Variants in CPE observed in about 807,000 individuals in gnomAD.
CPE encodes carboxypeptidase E, also known as carbocypeptidase E.
Under a neutral mutation model 53.5 loss-of-function variants are expected in CPE, and 17 were observed. The ratio of observed to expected loss-of-function variants is 0.32; its 90% CI spans 0.22 to 0.48. CPE has a LOEUF of 0.48. CPE is among the 20% of genes least tolerant of loss of function. CPE has a pLI of 0.99. For synonymous variants in CPE, 226 were observed against 228.8 expected (o/e 0.99, Z 0.11); for missense variants, 524 against 614.7 (o/e 0.85, Z 1.56).
At chr4:165,383,449 C>G (rs151108814) in intron 1 of CPE, among the ~76,000 whole-genome samples, 5 of 152,064 alleles carry the variant, frequency 3.3e-5, no homozygotes, top group Admixed American at 6.5e-5. Context: ...CCACTCGACC[C>G]GGAGTTAAAT....
At chr4:165,490,315 C>T (rs1489102884) in intron 6 of CPE, among the ~76,000 whole-genome samples, 1 of 152,040 alleles carries the variant, frequency 6.6e-6, no homozygotes, top group Non-Finnish European at 1.5e-5. Flanking sequence ...GTCTAGTTCT[C>T]AAAATTCTCA....
At chr4:165,479,473 A>G (rs1732363203) in intron 3 of CPE, among the ~76,000 whole-genome samples, 2 of 152,216 alleles carry the variant, frequency 1.3e-5, no homozygotes. Flanking sequence ...AGAACTTTCT[A>G]AATTTCTTGT....
intron 1 of CPE, among the ~76,000 whole-genome samples, chr4:165,403,359 A>G (rs765060057): frequency 5.9e-5 from 9 of 152,206 alleles, no homozygotes; most frequent in Non-Finnish European, 1.0e-4. Context: ...CATGAAACAC[A>G]TGTTCCAGAA....
intron 3 of CPE, among the ~76,000 whole-genome samples, chr4:165,479,917 G>A (rs1009406836): frequency 2.0e-5 from 3 of 151,374 alleles, no homozygotes; most frequent in South Asian, 2.1e-4. Context: ...GCGTGAACCC[G>A]GGAGGCGGAG....
At chr4:165,467,962 G>A in intron 3 of CPE, 107 bp downstream of exon 3, 1 of 1,270,930 alleles carries the variant, frequency 7.9e-7, no homozygotes, top group Non-Finnish European at 1.1e-6. Context: ...CAGCTTGTAT[G>A]GGGTGGTTAA....
At chr4:165,398,107 A>T (rs1730801787) in intron 1 of CPE, among the ~76,000 whole-genome samples, 1 of 151,484 alleles carries the variant, frequency 6.6e-6, no homozygotes, top group South Asian at 2.1e-4. Flanking sequence ...TATCTTGTAC[A>T]TTCATACTAA....
chr4:165,404,678 C>T (rs1226554186), intron 1 of CPE: 18 of 979,942 alleles, frequency 1.8e-5, no homozygotes, highest in Non-Finnish European at 2.7e-5. Flanking sequence ...CTGGAGGATT[C>T]AGATGACTTC....
intron 1 of CPE, among the ~76,000 whole-genome samples, chr4:165,427,107 G>A (rs928133249): frequency 1.3e-5 from 2 of 152,150 alleles, no homozygotes; most frequent in African/African-American, 2.4e-5. Flanking sequence ...GTTAGAGGAC[G>A]GAATTTTCCA....
chr4:165,388,407 C>CT (rs1432650733), intron 1 of CPE, among the ~76,000 whole-genome samples: 1 of 152,002 alleles, frequency 6.6e-6, no homozygotes, highest in Non-Finnish European at 1.5e-5. Context: ...AAATATAGGC[C>CT]TTTTTTAAAT....
chr4:165,417,532 C>T (rs1032216715), intron 1 of CPE, among the ~76,000 whole-genome samples: 2 of 149,820 alleles, frequency 1.3e-5, no homozygotes, highest in African/African-American at 2.5e-5. Context: ...GCCATTCATT[C>T]ATTCCACAAA....
intron 3 of CPE, among the ~76,000 whole-genome samples, chr4:165,475,840 T>G (rs773288132): frequency 9.2e-5 from 14 of 152,052 alleles, no homozygotes; most frequent in Non-Finnish European, 2.1e-4. Flanking sequence ...TAGAGTGAAC[T>G]GAAAGATCAG....
At position 165,461,099 on chromosome 4, in the gene CPE, C is replaced by T. The variant is rs181349656; in HGVS notation, c.308-3291C>T. Among the ~76,000 whole-genome samples, 12 of 142,066 alleles carry T rather than the reference C, an allele frequency of 8.4e-5. No homozygotes were observed. The East Asian group carries it at 2.0e-3, about 24-fold the overall frequency. 93.2% of individuals were successfully genotyped at this position (142,066 alleles called of 152,430 possible). On this transcript the variant is annotated intron_variant, in intron 1 of 8. Coordinates refer to ENST00000402744, the MANE Select transcript of CPE (RefSeq NM_001873.4). ...GGAGGATCACCTGAGCCCGGGAGGT[C>T]GAGGCTGCAGTGAGCCATGATTGTG...
At chr4:165,431,629 C>A (rs1731410687) in intron 1 of CPE, among the ~76,000 whole-genome samples, 1 of 152,142 alleles carries the variant, frequency 6.6e-6, no homozygotes, top group Admixed American at 6.5e-5. Flanking sequence ...TTTGGAACAT[C>A]CCCAGTGGAC....
At chr4:165,381,931 A>G (rs940476768) in intron 1 of CPE, among the ~76,000 whole-genome samples, 3 of 152,268 alleles carry the variant, frequency 2.0e-5, no homozygotes, top group Admixed American at 6.5e-5. Context: ...GAGCACCTGT[A>G]TACTCAAGGT....
chr4:165,480,534 G>A (rs1732386759), intron 3 of CPE, among the ~76,000 whole-genome samples: 1 of 152,146 alleles, frequency 6.6e-6, no homozygotes, highest in African/African-American at 2.4e-5. Flanking sequence ...CTTGAGACCA[G>A]CCTCTGCCAG....
chr4:165,461,803 C>T (rs556528654), intron 1 of CPE, among the ~76,000 whole-genome samples: 48 of 152,214 alleles, frequency 3.2e-4, no homozygotes, highest in African/African-American at 8.9e-4. Flanking sequence ...GTGGCTGTTC[C>T]GCATCTCACA....
At position 165,402,350 on chromosome 4, in the gene CPE, G is replaced by A. The variant is rs113696829; in HGVS notation, c.307+22822G>A. ...CAGAATTGTTGAGATGCATACTTCA[G>A]TATTAAAGGATGTTGGTGTTTCTAG... On this transcript the variant is annotated intron_variant, in intron 1 of 8. Coordinates refer to ENST00000402744, the MANE Select transcript of CPE (RefSeq NM_001873.4). Among the ~76,000 whole-genome samples the A allele has an allele frequency of 3.9e-3, 595 of 152,268 alleles. 3 individuals carry two copies. Among genetic ancestry groups the A allele is most frequent in the African/African-American group, 0.013 (559 of 41,548 alleles).
chr4:165,461,753 G>A (rs1361788436), intron 1 of CPE, among the ~76,000 whole-genome samples: 1 of 152,114 alleles, frequency 6.6e-6, no homozygotes, highest in Non-Finnish European at 1.5e-5. Context: ...CTGACCCTGG[G>A]ATTTGCATGT....
At chr4:165,427,506 C>T (rs754127456) in intron 1 of CPE, among the ~76,000 whole-genome samples, 1 of 152,116 alleles carries the variant, frequency 6.6e-6, no homozygotes, top group African/African-American at 2.4e-5. Context: ...ATTTTATGGA[C>T]ATGGCATAAT....
Sources: gnomAD v4.1 joint callset for allele counts (sites outside exome capture counted in the v4.1 genomes callset) on GRCh38, gnomAD v4.1.1 for gene constraint, MANE v1.5 for transcripts, NCBI Gene and HGNC (gene_info 2026-07-23, HGNC 2026-07-21) for gene names.